GPR157: variants seen among roughly 807,000 people sequenced by gnomAD.
GPR157 encodes the protein G-protein coupled receptor 157.
Under a neutral mutation model 23.5 loss-of-function variants are expected in GPR157, and 16 were observed. The ratio of observed to expected loss-of-function variants is 0.68; its 90% CI spans 0.46 to 1.04. The LOEUF (loss-of-function observed/expected upper bound fraction) is 1.04, where lower values mean the gene tolerates loss of function less well. GPR157 is among the 50% of genes least tolerant of loss of function. The pLI, the probability that GPR157 is intolerant of heterozygous loss-of-function variation, is 0.00. For synonymous variants in GPR157, 200 were observed against 221.5 expected, an observed-to-expected ratio of 0.90 and a Z score of 0.86; for missense variants, 440 against 460.7, an observed-to-expected ratio of 0.96 and a Z score of 0.41.
At chr1:9,119,225 G>A (rs927431724) in intron 1 of GPR157, among the ~76,000 whole-genome samples, 1 of 152,010 alleles carries the variant, frequency 6.6e-6, no homozygotes, top group Non-Finnish European at 1.5e-5. Flanking sequence ...TAGAGACGGG[G>A]TTTCACCATG....
At position 9,105,531 on chromosome 1, in the gene GPR157, G is replaced by A. The variant is rs977223289; in HGVS notation, c.747C>T (p.Leu249=). Reference sequence around the variant, plus strand: ...GCGTCTGCACGGCCGGGGAGCCACAGAGGGTCAGCACGAACCGCACGGTGC... The same window carrying A: ...GCGTCTGCACGGCCGGGGAGCCACAAAGGGTCAGCACGAACCGCACGGTGC... ...VWSTVRFVLT[L]CGSPAVQTPV... is the part of the protein sequence containing the mutation. Residue 249 remains leucine (L), a synonymous_variant, in exon 3 of 4, where the codon CTC becomes CTT. Transcript: ENST00000377411. This position sits in a 1 kb window ranked among gnomAD's most constrained non-coding sequence, Gnocchi z 4.8. 6.3e-7 allele frequency: 1 copy of A among 1,593,000 alleles called. No homozygotes were observed.
intron 2 of GPR157, among the ~76,000 whole-genome samples, chr1:9,110,810 G>A (rs1054638934): frequency 6.6e-6 from 1 of 152,224 alleles, no homozygotes; most frequent in South Asian, 2.1e-4. Flanking sequence ...AGTTAGGTGA[G>A]TTATTTGCGT....
chr1:9,123,264 A>ATATATTT (rs1638852099), intron 1 of GPR157, among the ~76,000 whole-genome samples: 4 of 21,032 alleles, frequency 1.9e-4, no homozygotes, highest in African/African-American at 1.0e-3. Context: ...ATATTTAAAT[A>ATATATTT]TATATATTTA....
intron 1 of GPR157, among the ~76,000 whole-genome samples, chr1:9,117,846 T>G (rs1569967564): frequency 6.7e-6 from 1 of 150,238 alleles, no homozygotes; most frequent in Admixed American, 6.6e-5. Flanking sequence ...CACCTAACAG[T>G]TTTTCCCCCC....
chr1:9,119,605 G>T (rs1018789261), intron 1 of GPR157, among the ~76,000 whole-genome samples: 8 of 152,140 alleles, frequency 5.3e-5, no homozygotes, highest in African/African-American at 1.9e-4. Flanking sequence ...AGGCGGGAGA[G>T]ACATGTGTCC....
intron 1 of GPR157, among the ~76,000 whole-genome samples, chr1:9,121,334 AAAAAC>A (rs1269380125): frequency 4.7e-5 from 7 of 149,748 alleles, no homozygotes; most frequent in African/African-American, 1.7e-4. Context: ...TCTGTCTCAA[AAAAAC>A]AAAACAAAAC....
intron 1 of GPR157, among the ~76,000 whole-genome samples, chr1:9,126,635 G>T (rs1283956261): frequency 6.6e-6 from 1 of 152,140 alleles, no homozygotes; most frequent in African/African-American, 2.4e-5. Flanking sequence ...ATATTCCAAA[G>T]AAATACACTG....
In GPR157 at chr1:9,116,309, T is replaced by TTA. The variant is rs1638667623; in HGVS notation, c.384-4822_384-4821dup. 1.6e-3 allele frequency among the ~76,000 whole-genome samples: 11 copies of TTA among 6,984 alleles called. 1 individual carries two copies. Among genetic ancestry groups the TTA allele is most frequent in the African/African-American group, 9.6e-3 (7 of 728 alleles). The allele number at this position is 6,984 out of a possible 152,430, so 4.6% of individuals were successfully genotyped here. A position where few individuals can be genotyped will look rare whatever the true frequency, so the allele number is the denominator to read the frequency against. On this transcript the variant is annotated intron_variant, in intron 1 of 3. Transcript: ENST00000377411. ...TTATATATAAATTATATATATTATATTATATATAATATATATAAATTATAT... is the reference window on the plus strand; with the variant it reads ...TTATATATAAATTATATATATTATATTATATATATAATATATATAAATTATAT...
intron 2 of GPR157, among the ~76,000 whole-genome samples, chr1:9,110,637 C>A (rs746128295): frequency 1.7e-4 from 26 of 152,308 alleles, no homozygotes; most frequent in Admixed American, 5.9e-4. Flanking sequence ...CAGGAGGAAG[C>A]CCCTAGTTCC....
intron 1 of GPR157, among the ~76,000 whole-genome samples, chr1:9,121,831 C>T (rs1024753404): frequency 3.3e-5 from 5 of 152,246 alleles, no homozygotes; most frequent in East Asian, 1.9e-4. Flanking sequence ...GTGAGAGGCA[C>T]GGGGGCTAGA....
intron 2 of GPR157, among the ~76,000 whole-genome samples, chr1:9,110,640 C>T (rs1638462801): frequency 6.6e-6 from 1 of 152,190 alleles, no homozygotes; most frequent in Non-Finnish European, 1.5e-5. Context: ...GAGGAAGCCC[C>T]TAGTTCCACA....
chr1:9,123,801 TA>T (rs1638908231), intron 1 of GPR157, among the ~76,000 whole-genome samples: 6 of 129,854 alleles, frequency 4.6e-5, no homozygotes, highest in South Asian at 2.2e-4. Flanking sequence ...ATATTATATA[TA>T]TATAATATTA....
In GPR157 at chr1:9,105,783, G is replaced by T; in HGVS notation, c.598-103C>A. The T allele has an allele frequency of 1.0e-6, 1 of 953,166 alleles. No homozygotes were observed. Among genetic ancestry groups the T allele is most frequent in the East Asian group, 2.6e-5 (1 of 38,862 alleles). 59.0% of individuals were successfully genotyped at this position (953,166 alleles called of 1,614,324 possible). A position where few individuals can be genotyped will look rare whatever the true frequency, so the allele number is the denominator to read the frequency against. ...CCAGGGACTTGAACTAGCTCAGGGA[G>T]GTAGGGGAGATGTGTGGTGGAGCCC... On this transcript the variant is annotated intron_variant, in intron 2 of 3. Transcript: ENST00000377411. The surrounding 1 kb of genome is among the most constrained non-coding windows in gnomAD (Gnocchi z 4.8).
At chr1:9,114,361 A>G (rs1638588036) in intron 1 of GPR157, among the ~76,000 whole-genome samples, 1 of 149,404 alleles carries the variant, frequency 6.7e-6, no homozygotes, top group South Asian at 2.1e-4. Context: ...CGGCTCTTCA[A>G]GTGCCACCAC....
At chr1:9,122,588 G>T (rs1413530281) in intron 1 of GPR157, among the ~76,000 whole-genome samples, 1 of 152,118 alleles carries the variant, frequency 6.6e-6, no homozygotes, top group Non-Finnish European at 1.5e-5. Context: ...CTGGCCACCA[G>T]GTAGAAAGCA....
At chr1:9,107,583 A>C (rs1638371623) in intron 2 of GPR157, among the ~76,000 whole-genome samples, 1 of 151,896 alleles carries the variant, frequency 6.6e-6, no homozygotes, top group African/African-American at 2.4e-5. Flanking sequence ...CCAGGTGTTC[A>C]AAACCAGCCT....
Position 9,104,172 on chromosome 1 carries a change from G to T in GPR157, c.*247C>A. The T allele has an allele frequency of 1.9e-6, 1 of 518,118 alleles. No homozygotes were observed. The allele number at this position is 518,118 out of a possible 1,614,324, so 32.1% of individuals were successfully genotyped here. ...GGCCACCGGCTTCCCGAATCTCACT[G>T]CTACCCTTATGCAGATGAACGCCCA... On this transcript the variant is annotated 3_prime_UTR_variant, in exon 4 of 4. Coordinates refer to ENST00000377411, the MANE Select transcript of GPR157 (RefSeq NM_024980.5).
rs1393491464 is a variant in GPR157 at position 9,123,679 on chromosome 1, A to G, written c.383+4966T>C. 1.7e-5 allele frequency among the ~76,000 whole-genome samples: 2 copies of G among 116,906 alleles called. 1 individual carries two copies. The highest frequency in any genetic ancestry group is 3.3e-5 in the Non-Finnish European group (2 of 61,450). 76.7% of individuals were successfully genotyped at this position (116,906 alleles called of 152,430 possible). ...ATATTAAATATATATTTAATATTAA[A>G]TATATATTTAATATATATTTAATTT... On this transcript the variant is annotated intron_variant, in intron 1 of 3. Coordinates refer to ENST00000377411, the MANE Select transcript of GPR157 (RefSeq NM_024980.5).
chr1:9,109,272 G>A (rs1201237755), intron 2 of GPR157, among the ~76,000 whole-genome samples: 2 of 150,738 alleles, frequency 1.3e-5, no homozygotes, highest in African/African-American at 2.4e-5. Context: ...TATTAGAAAC[G>A]GGGTTTCACC....
Sources: allele counts gnomAD v4.1 joint callset (sites outside exome capture counted in the v4.1 genomes callset), GRCh38; gene constraint gnomAD v4.1.1; non-coding constraint Gnocchi (gnomAD v3.1); transcripts MANE v1.5; gene names NCBI Gene and HGNC (gene_info 2026-07-23, HGNC 2026-07-21).